SYTL2: variants seen among roughly 807,000 people sequenced by gnomAD.
SYTL2 encodes the protein synaptotagmin-like protein 2.
In SYTL2, 165 loss-of-function variants were observed where a neutral mutation model predicts 198.7. The observed-to-expected ratio is 0.83, with a 90% CI of 0.73 to 0.94. SYTL2 has a LOEUF of 0.94. SYTL2 is among the 40% of genes least tolerant of loss of function. The pLI is 0.00. For missense variants in SYTL2, 2,835 were observed against 2,582.8 expected (o/e 1.10, Z -2.12); for synonymous variants, 966 against 917.7 (o/e 1.05, Z -0.95).
chr11:85,854,179 T>C, the SYTL2 span: 1 of 152,168 alleles, frequency 6.6e-6, no homozygotes, highest in Non-Finnish European at 1.5e-5. Context: ...ATATTACTTA[T>C]TTCTTAAACA....
chr11:85,738,268 T>C (rs2090513318), intron 4 of SYTL2, among the ~76,000 whole-genome samples: 1 of 152,212 alleles, frequency 6.6e-6, no homozygotes, highest in Non-Finnish European at 1.5e-5. Flanking sequence ...TTTATCTCTG[T>C]ACTTCAATTG....
rs570282713 is a variant in SYTL2, at chr11:85,719,174, G to A, written c.5429-331C>T. 2,289 of 1,320,752 alleles carry A rather than the reference G, an allele frequency of 1.7e-3. 7 individuals carry two copies. The highest frequency in any genetic ancestry group is 2.1e-3 in the Non-Finnish European group (2,145 of 1,020,336). 81.8% of individuals were successfully genotyped at this position (1,320,752 alleles called of 1,614,324 possible). On this transcript the variant is annotated intron_variant, in intron 9 of 19. Transcript: ENST00000359152. ...CAGCCTCTCTATTCTTCTGTAAAGG[G>A]TATGATGCTAGCCATGACTAACACC...
At chr11:85,820,595 G>C in the SYTL2 span, among the ~76,000 whole-genome samples, 1 of 152,200 alleles carries the variant, frequency 6.6e-6, no homozygotes, top group Non-Finnish European at 1.5e-5. Flanking sequence ...AAGCCTTCCA[G>C]GTGATTCTGG....
rs933575348 is a variant in SYTL2 at position 85,758,018 on chromosome 11, GCACACTC to G, written c.-300_-294del. On this transcript the variant is annotated 5_prime_UTR_variant, in exon 2 of 20. Transcript: ENST00000359152. ...TCGCTTGTTCCTATGGTGGCTTCCA[GCACACTC>G]ACTCTCTGGTCCAGTCTTAGACACA... The G allele has an allele frequency of 3.0e-6, 1 of 331,536 alleles. No individual in the cohort carries two copies. Among genetic ancestry groups the G allele is most frequent in the African/African-American group, 2.1e-5 (1 of 48,132 alleles). The allele number at this position is 331,536 out of a possible 1,614,324, so 20.5% of individuals were successfully genotyped here.
chr11:85,734,311 C>A lies in SYTL2; in HGVS notation c.1018G>T (p.Asp340Tyr). Residue 340 changes from aspartate (D) to tyrosine (Y), a missense_variant, in exon 7 of 20, where the codon GAT (aspartate) becomes TAT (tyrosine). By Grantham distance (160) the Asp-to-Tyr change is radical (BLOSUM62 -3). This residue lies in a region of SYTL2 where 2,645 missense variants were observed against 2,381.7 expected (regional missense o/e 1.11). Coordinates refer to ENST00000359152, the MANE Select transcript of SYTL2 (RefSeq NM_206927.4). ...AGCCCAGGACTCTGTGGAAGCTCAT[C>A]CTTCACTGCAGAGAATCTCACATGC... ...LKHVRFSAVK[D>Y]ELPQSPGLIH... The A allele has an allele frequency of 6.2e-7, 1 of 1,614,222 alleles. No homozygotes were observed. The highest frequency in any genetic ancestry group is 1.3e-5 in the African/African-American group (1 of 75,062).
intron 1 of SYTL2, among the ~76,000 whole-genome samples, chr11:85,759,651 C>A (rs1376887551): frequency 6.6e-6 from 1 of 152,182 alleles, no homozygotes; most frequent in Non-Finnish European, 1.5e-5. Flanking sequence ...TCTTTCTGAT[C>A]TCCCCCCATG....
At chr11:85,814,094 A>G (rs1027300217), upstream of SYTL2, among the ~76,000 whole-genome samples, 9 of 152,202 alleles carry the variant, frequency 5.9e-5, no homozygotes, top group Admixed American at 6.5e-5. Flanking sequence ...GATAACACAT[A>G]ACACATATAG....
intron 15 of SYTL2, 34 bp downstream of exon 15, chr11:85,707,395 C>CTA: frequency 6.9e-7 from 1 of 1,457,872 alleles, no homozygotes. Flanking sequence ...AGGTCACCAT[C>CTA]TAGGATTTTC....
At chr11:85,817,897 C>CTTTTTTTTTTTTTTTTTTTTTTTTTT in the SYTL2 span, among the ~76,000 whole-genome samples, 4 of 119,872 alleles carry the variant, frequency 3.3e-5, no homozygotes, top group Non-Finnish European at 3.4e-5. Flanking sequence ...ACCTTTGTGT[C>CTTTTTTTTTTTTTTTTTTTTTTTTTT]TTTTCTTTTT....
At chr11:85,812,011 G>A (rs1305176340), upstream of SYTL2, among the ~76,000 whole-genome samples, 1 of 152,166 alleles carries the variant, frequency 6.6e-6, no homozygotes, top group Non-Finnish European at 1.5e-5. Flanking sequence ...GGAAGCTGAG[G>A]CAGGAGAATC....
chr11:85,733,156 T>C (rs2089979826), intron 7 of SYTL2, among the ~76,000 whole-genome samples: 1 of 152,182 alleles, frequency 6.6e-6, no homozygotes, highest in African/African-American at 2.4e-5. Flanking sequence ...GGCCTCAAAG[T>C]CTAGTTTCCC....
chr11:85,845,993 G>C, the SYTL2 span, among the ~76,000 whole-genome samples: 1 of 152,226 alleles, frequency 6.6e-6, no homozygotes, highest in Non-Finnish European at 1.5e-5. Flanking sequence ...CTGTAGGTTA[G>C]TAATTGGTGA....
At chr11:85,789,340 G>GTATATATATA (rs56956411) in intron 1 of SYTL2, among the ~76,000 whole-genome samples, 2 of 62,516 alleles carry the variant, frequency 3.2e-5, no homozygotes, top group East Asian at 5.9e-4. Context: ...GTGTGTGTGT[G>GTATATATATA]TATATATATA....
At chr11:85,793,078 G>A (rs1174899633) in intron 1 of SYTL2, among the ~76,000 whole-genome samples, 16 of 151,792 alleles carry the variant, frequency 1.1e-4, no homozygotes, top group South Asian at 4.2e-4. Context: ...GAATAGTGCC[G>A]CAATAAACAT....
At chr11:85,770,923 C>T (rs1482344595) in intron 1 of SYTL2, among the ~76,000 whole-genome samples, 2 of 152,190 alleles carry the variant, frequency 1.3e-5, no homozygotes, top group Non-Finnish European at 2.9e-5. Flanking sequence ...TAATGTGGCC[C>T]TATTATACAA....
intron 1 of SYTL2, among the ~76,000 whole-genome samples, chr11:85,807,533 C>A (rs1364783801): frequency 1.3e-5 from 2 of 152,160 alleles, no homozygotes; most frequent in African/African-American, 2.4e-5. Flanking sequence ...AAAGTGGAAA[C>A]CAGCTCAGAG....
In SYTL2 at chr11:85,726,838, G is replaced by A. The variant is rs1331682988; in HGVS notation, c.2520C>T (p.Asp840=). ...VKKSQGVSSM[D]SLSTDQSEYN... ...ATTCACTCTGGTCTGTAGATAAACT[G>A]TCCATGGATGATACACCCTGTGACT... is the stretch of plus-strand genomic sequence containing the variant. The change falls in exon 8 of 20, where the codon GAC becomes GAT. Residue 840 remains aspartate, a synonymous_variant. Coordinates refer to ENST00000359152, the MANE Select transcript of SYTL2 (RefSeq NM_206927.4). The A allele has an allele frequency of 3.9e-6, 6 of 1,536,478 alleles. No homozygotes were observed. Among genetic ancestry groups the A allele is most frequent in the Non-Finnish European group, 5.2e-6 (6 of 1,146,988 alleles).
chr11:85,729,482 G>A (rs377570303), intron 7 of SYTL2, among the ~76,000 whole-genome samples: 2 of 152,184 alleles, frequency 1.3e-5, no homozygotes, highest in East Asian at 3.8e-4. Context: ...ACTTGCTCCT[G>A]AGTGACTACT....
chr11:85,707,490 C>T lies in SYTL2; in HGVS notation c.5957G>A (p.Gly1986Asp). 1 of 1,613,934 alleles carries T rather than the reference C, an allele frequency of 6.2e-7. No homozygotes were observed. The highest frequency in any genetic ancestry group is 8.5e-7 in the Non-Finnish European group (1 of 1,179,922). ...AYLLPDKGKM[G>D]KKKTLVVKKT... ...CTTCACTACGAGTGTTTTCTTCTTGCCCATTTTGCCTTTGTCTGGTAGCAA... is the reference window on the plus strand; with the variant it reads ...CTTCACTACGAGTGTTTTCTTCTTGTCCATTTTGCCTTTGTCTGGTAGCAA... Residue 1986 changes from glycine (G) to aspartate (D), a missense_variant, in exon 15 of 20, where the codon GGC becomes GAC. Coordinates refer to ENST00000359152, the MANE Select transcript of SYTL2 (RefSeq NM_206927.4).
Sources: gnomAD v4.1 joint callset for allele counts (sites outside exome capture counted in the v4.1 genomes callset) on GRCh38, gnomAD v4.1.1 for gene constraint, gnomAD v4.1.1 regional missense constraint, MANE v1.5 for transcripts, NCBI Gene and HGNC (gene_info 2026-07-23, HGNC 2026-07-21) for gene names.